The following JMJD6 variants were observed in gnomAD, a reference collection of about 807,000 sequenced individuals.
The protein encoded by JMJD6 is jumonji domain containing 6, arginine demethylase and lysine hydroxylase.
In JMJD6, 17 loss-of-function variants were observed where a neutral mutation model predicts 45.8. The observed-to-expected ratio is 0.37, with a 90% confidence interval of 0.25 to 0.56. The LOEUF is 0.56. Among genes scored for constraint, JMJD6 ranks in the 20% least tolerant of loss-of-function variants. The probability of loss-of-function intolerance (pLI) is 0.79; values close to 1 mark genes in which losing one functional copy is unlikely to be tolerated. For missense variants in JMJD6, 470 were observed against 517.5 expected, an observed-to-expected ratio of 0.91 and a Z score of 0.89; for synonymous variants, 221 against 196.3, an observed-to-expected ratio of 1.13 and a Z score of -1.05.
downstream of JMJD6, chr17:76,714,684 C>A (rs2076752234): frequency 6.6e-6 from 1 of 152,270 alleles, no homozygotes; most frequent in African/African-American, 2.4e-5. Flanking sequence ...ACTATCCAGA[C>A]ACTGTACTAT....
In JMJD6 at chr17:76,726,420, TC is replaced by T; in HGVS notation, c.55del (p.Glu19SerfsTer19). ...GGTCCAATCCAGCGAGTCCTTGAGCTCCGGCCGCGCACTCCGCTTGGCCTCG... is the reference window on the plus strand; with the variant it reads ...GGTCCAATCCAGCGAGTCCTTGAGCTCGGCCGCGCACTCCGCTTGGCCTCG... The part of the protein sequence containing the change: ...IREAKRSARP[E>X]LKDSLDWTRH... On this transcript the variant is annotated frameshift_variant, in exon 1 of 6. Coordinates refer to ENST00000397625, the MANE Select transcript of JMJD6 (RefSeq NM_015167.3). LOFTEE classifies it high-confidence loss of function. 1 of 1,604,238 alleles carries T rather than the reference TC, an allele frequency of 6.2e-7. No individual in the cohort carries two copies. The highest frequency in any genetic ancestry group is 8.5e-7 in the Non-Finnish European group (1 of 1,176,300).
At chr17:76,715,497 G>A (rs2076757627), downstream of JMJD6, 1 of 152,234 alleles carries the variant, frequency 6.6e-6, no homozygotes. Flanking sequence ...GTTAATAACA[G>A]TGAGCAGAGA....
chr17:76,718,835 C>T lies in JMJD6; in HGVS notation c.1106G>A (p.Gly369Glu), dbSNP rs756152063. 6.2e-7 allele frequency: 1 copy of T among 1,614,152 alleles called. No individual in the cohort carries two copies. The highest frequency in any genetic ancestry group is 8.5e-7 in the Non-Finnish European group (1 of 1,180,018). Residue 369 changes from glycine (G) to glutamate (E), a missense_variant, in exon 6 of 6, where the codon GGG becomes GAG. This residue lies in a region of JMJD6 where 45 missense variants were observed against 37.2 expected (regional missense o/e 1.21). Transcript: ENST00000397625. ...CCTCTTCTTCCTGCGGTGCACTGTC[C>T]CATCGCCCTCGGATCCAGACTCGCA... Reference protein sequence around the residue: ...SECESGSEGDGTVHRRKKRRT... With the variant: ...SECESGSEGDETVHRRKKRRT...
At position 76,725,833 on chromosome 17, in the gene JMJD6, G is replaced by A. The variant is rs776444606; in HGVS notation, c.152C>T (p.Ala51Val). Residue 51 changes from alanine (A) to valine (V), a missense_variant, in exon 2 of 6, where the codon GCT becomes GTT. By Grantham distance (64) the Ala-to-Val change is moderately conservative. Transcript: ENST00000397625. ...AAATTCTTCCACAGACAGCTGTAAAGCATCTGCCCTTTCCACGTTATCCTG... is the reference window on the plus strand; with the variant it reads ...AAATTCTTCCACAGACAGCTGTAAAACATCTGCCCTTTCCACGTTATCCTG... ...AVADNVERAD[A>V]LQLSVEEFVE... is the part of the protein sequence containing the mutation. 1.6e-5 allele frequency: 25 copies of A among 1,611,824 alleles called. No homozygotes were observed. The highest frequency in any genetic ancestry group is 2.0e-5 in the Non-Finnish European group (24 of 1,179,558).
Position 76,721,266 on chromosome 17 carries a change from G to C in JMJD6, c.941+532C>G, listed in dbSNP as rs992964923. 9.5e-6 allele frequency: 4 copies of C among 422,014 alleles called. No individual in the cohort carries two copies. In the Admixed American group the frequency reaches 9.9e-5, roughly 10 times the overall value. The allele number at this position is 422,014 out of a possible 1,614,324, so 26.1% of individuals were successfully genotyped here. Reference sequence around the variant, plus strand: ...CAAGCCAGAATCCCTCTCTTACCCCGAGAGCTGGTCCCTCCAGGTCAGGGT... The same window carrying C: ...CAAGCCAGAATCCCTCTCTTACCCCCAGAGCTGGTCCCTCCAGGTCAGGGT... On this transcript the variant is annotated intron_variant, in intron 4 of 5. Transcript: ENST00000397625.
intron 4 of JMJD6, chr17:76,721,407 A>C: frequency 2.8e-6 from 1 of 356,670 alleles, no homozygotes; most frequent in South Asian, 2.0e-5. Flanking sequence ...CTCACTCACA[A>C]GAACTGAAGG....
At chr17:76,716,437 C>T (rs141034963), downstream of JMJD6, 2,596 of 499,802 alleles carry the variant, frequency 5.2e-3, 15 homozygotes, top group Non-Finnish European at 7.7e-3. Context: ...AGCACAGAAC[C>T]TTCTTACCCA....
chr17:76,717,804 T>C (rs143652056), downstream of JMJD6, among the ~76,000 whole-genome samples: 347 of 150,702 alleles, frequency 2.3e-3, 2 homozygotes, highest in African/African-American at 8.1e-3. Context: ...GCCTGGCCAA[T>C]ATGGTGAAAC....
chr17:76,725,431 A>G (rs1274875722), intron 2 of JMJD6, 36 bp downstream of exon 2: 2 of 1,518,610 alleles, frequency 1.3e-6, no homozygotes, highest in Non-Finnish European at 8.8e-7. Context: ...AAAAAAAAGA[A>G]AAGGATTTTA....
chr17:76,722,520 G>A (rs1170697540), intron 3 of JMJD6, among the ~76,000 whole-genome samples: 1 of 152,038 alleles, frequency 6.6e-6, no homozygotes, highest in Admixed American at 6.6e-5. Flanking sequence ...AGGCCAGCCT[G>A]GGTAACAGTG....
chr17:76,724,422 G>A (rs552914142), intron 2 of JMJD6, among the ~76,000 whole-genome samples: 27 of 152,116 alleles, frequency 1.8e-4, no homozygotes, highest in African/African-American at 6.3e-4. Context: ...CACCTGGCCA[G>A]GTTTTAATTT....
At chr17:76,713,668 C>G (rs987586372), downstream of JMJD6, 16 of 152,216 alleles carry the variant, frequency 1.1e-4, no homozygotes, top group African/African-American at 3.6e-4. Context: ...ACATTTACTG[C>G]AAAAATTTTG....
At chr17:76,722,905 C>T (rs940974329) in intron 3 of JMJD6, among the ~76,000 whole-genome samples, 3 of 18,970 alleles carry the variant, frequency 1.6e-4, no homozygotes, top group South Asian at 2.8e-3. Context: ...ACAAACAAGC[C>T]GCTACACATA....
downstream of JMJD6, chr17:76,714,094 T>A (rs1395026119): frequency 6.6e-6 from 1 of 152,186 alleles, no homozygotes; most frequent in East Asian, 1.9e-4. Flanking sequence ...AATGTCCCTC[T>A]TTTCAGTGGC....
chr17:76,719,573 G>C (rs1422979954), intron 5 of JMJD6, among the ~76,000 whole-genome samples: 2 of 152,186 alleles, frequency 1.3e-5, no homozygotes, highest in African/African-American at 4.8e-5. Flanking sequence ...ACAGGCGTGA[G>C]CCACTGCGCC....
downstream of JMJD6, chr17:76,713,803 T>A (rs1259899289): frequency 6.6e-6 from 1 of 152,252 alleles, no homozygotes; most frequent in African/African-American, 2.4e-5. Flanking sequence ...AAGCTGTTAC[T>A]ACCTTAAGTA....
chr17:76,724,807 A>ACTCCAT (rs2076880413), intron 2 of JMJD6, among the ~76,000 whole-genome samples: 1 of 151,510 alleles, frequency 6.6e-6, no homozygotes. Flanking sequence ...ACAGAGGGAG[A>ACTCCAT]CTCCATCTCA....
chr17:76,716,867 CAA>C (rs2076768780), downstream of JMJD6: 1 of 715,358 alleles, frequency 1.4e-6, no homozygotes, highest in South Asian at 1.7e-5. Flanking sequence ...TTACAAATTA[CAA>C]AGTCACAGAT....
Position 76,718,997 on chromosome 17 carries a change from C to A in JMJD6, c.1081-137G>T, listed in dbSNP as rs531015551. The A allele has an allele frequency of 6.1e-6, 5 of 818,548 alleles. No individual in the cohort carries two copies. In the East Asian group the frequency reaches 1.4e-4, roughly 23 times the overall value. The allele number at this position is 818,548 out of a possible 1,614,324, so 50.7% of individuals were successfully genotyped here. On this transcript the variant is annotated intron_variant, in intron 5 of 5. Coordinates refer to ENST00000397625, the MANE Select transcript of JMJD6 (RefSeq NM_015167.3). ...ATGCAAAGCAGTCATTATGACAGCTCCACAATGTAGCCTTCATAGCCACCT... is the reference window on the plus strand; with the variant it reads ...ATGCAAAGCAGTCATTATGACAGCTACACAATGTAGCCTTCATAGCCACCT...
Sources: gnomAD v4.1 joint callset for allele counts (sites outside exome capture counted in the v4.1 genomes callset) on GRCh38, gnomAD v4.1.1 for gene constraint, gnomAD v4.1.1 regional missense constraint, MANE v1.5 for transcripts, NCBI Gene and HGNC (gene_info 2026-07-23, HGNC 2026-07-21) for gene names.